Variants in RORA observed in about 807,000 individuals in gnomAD.
RORA encodes the protein RAR related orphan receptor A.
Under a neutral mutation model 69.5 loss-of-function variants are expected in RORA, and 7 were observed. That is an observed-to-expected ratio of 0.10 (90% CI 0.06 to 0.19). RORA has a LOEUF of 0.19. Among genes scored for constraint, RORA ranks in the 10% least tolerant of loss-of-function variants. The probability of loss-of-function intolerance (pLI) is 1.00; values close to 1 mark genes in which losing one functional copy is unlikely to be tolerated. For synonymous variants in RORA, 261 were observed against 240.8 expected (o/e 1.08, Z -0.78); for missense variants, 457 against 663.0 (o/e 0.69, Z 3.41).
chr15:60,742,220 T>C (rs1336645989), intron 1 of RORA, among the ~76,000 whole-genome samples: 1 of 152,234 alleles, frequency 6.6e-6, no homozygotes, highest in Non-Finnish European at 1.5e-5. Context: ...GTTATTCTTT[T>C]AAAAAGTGAA....
chr15:61,067,921 T>C (rs562418900), intron 1 of RORA, among the ~76,000 whole-genome samples: 2 of 152,326 alleles, frequency 1.3e-5, no homozygotes, highest in South Asian at 4.1e-4. Flanking sequence ...AGGTTGTTCT[T>C]GAGGAGTATT....
intron 1 of RORA, among the ~76,000 whole-genome samples, chr15:61,009,681 C>T (rs1026575059): frequency 6.6e-5 from 10 of 152,206 alleles, no homozygotes; most frequent in African/African-American, 2.4e-4. Context: ...ATCAAGATCA[C>T]TTAACACTTA....
intron 1 of RORA, among the ~76,000 whole-genome samples, chr15:61,186,632 C>T (rs1567028514): frequency 2.1e-5 from 2 of 93,280 alleles, no homozygotes; most frequent in Admixed American, 1.8e-4. Flanking sequence ...TGATGTGAGA[C>T]CCTGACTCAA....
rs33922947 is a variant in RORA, at chr15:60,743,016, A to ATTTTT, written c.167-64335_167-64331dup. ...CTATTTATGTAAATGCATTCATTCTATTTTTTTTTTTTTTTTTTTTTTTAG... is the reference window on the plus strand; with the variant it reads ...CTATTTATGTAAATGCATTCATTCTATTTTTTTTTTTTTTTTTTTTTTTTTTTTAG... On this transcript the variant is annotated intron_variant, in intron 1 of 10. Transcript: ENST00000335670. Among the ~76,000 whole-genome samples the ATTTTT allele has an allele frequency of 1.7e-3, 183 of 105,038 alleles. 1 individual carries two copies. The highest frequency in any genetic ancestry group is 4.9e-3 in the African/African-American group (137 of 27,976). 68.9% of individuals were successfully genotyped at this position (105,038 alleles called of 152,430 possible).
At chr15:60,563,412 C>T (rs2067633056) in intron 2 of RORA, among the ~76,000 whole-genome samples, 1 of 152,194 alleles carries the variant, frequency 6.6e-6, no homozygotes, top group Non-Finnish European at 1.5e-5. Context: ...GAAGGTATCT[C>T]ACTTCACTTC....
chr15:60,684,032 G>C (rs1036411692), intron 1 of RORA, among the ~76,000 whole-genome samples: 2 of 152,114 alleles, frequency 1.3e-5, no homozygotes, highest in Admixed American at 6.5e-5. Context: ...TTTCTTGACT[G>C]ACTTCTAATT....
intron 2 of RORA, among the ~76,000 whole-genome samples, chr15:60,655,973 T>G (rs1459521685): frequency 5.9e-5 from 9 of 152,364 alleles, no homozygotes; most frequent in Middle Eastern, 3.4e-3. Context: ...GTACAATAAC[T>G]TCTCACTTTG....
chr15:61,013,615 A>C (rs912268436), intron 1 of RORA, among the ~76,000 whole-genome samples: 1 of 152,036 alleles, frequency 6.6e-6, no homozygotes, highest in African/African-American at 2.4e-5. Flanking sequence ...CAATTTAAAA[A>C]ATTTCTCTTG....
intron 1 of RORA, among the ~76,000 whole-genome samples, chr15:61,004,304 C>T (rs749113430): frequency 1.3e-5 from 2 of 150,428 alleles, no homozygotes; most frequent in Non-Finnish European, 2.9e-5. Context: ...CAGACTAATA[C>T]GTACAATACA....
intron 1 of RORA, among the ~76,000 whole-genome samples, chr15:61,012,590 T>C (rs899464248): frequency 6.6e-6 from 1 of 152,188 alleles, no homozygotes; most frequent in South Asian, 2.1e-4. Context: ...AGCAGATAAA[T>C]GTTTTTTTGA....
intron 1 of RORA, among the ~76,000 whole-genome samples, chr15:61,166,932 C>A (rs2079543730): frequency 6.6e-6 from 1 of 152,198 alleles, no homozygotes; most frequent in African/African-American, 2.4e-5. Context: ...TACTCACCAA[C>A]AATTATCTGA....
At chr15:60,581,414 TAAAC>T (rs2068191147) in intron 2 of RORA, among the ~76,000 whole-genome samples, 1 of 152,238 alleles carries the variant, frequency 6.6e-6, no homozygotes, top group African/African-American at 2.4e-5. Context: ...ATTGTTTTGT[TAAAC>T]AATATCATTT....
At chr15:60,894,799 C>T (rs1277221467) in intron 1 of RORA, among the ~76,000 whole-genome samples, 1 of 152,172 alleles carries the variant, frequency 6.6e-6, no homozygotes, top group African/African-American at 2.4e-5. Context: ...ACTTTCAGGC[C>T]TCCCCTGGTG....
intron 1 of RORA, among the ~76,000 whole-genome samples, chr15:61,121,039 G>A (rs1242209647): frequency 1.3e-5 from 2 of 151,638 alleles, no homozygotes; most frequent in Non-Finnish European, 1.5e-5. Flanking sequence ...TGGTAGAGAC[G>A]GGGTTTCACC....
chr15:60,725,874 A>G (rs1172426326), intron 1 of RORA, among the ~76,000 whole-genome samples: 2 of 152,204 alleles, frequency 1.3e-5, no homozygotes, highest in Non-Finnish European at 2.9e-5. Context: ...GGGAGGCCAT[A>G]TAGAGCAGTC....
At chr15:61,082,280 G>A (rs2078554684) in intron 1 of RORA, among the ~76,000 whole-genome samples, 1 of 152,222 alleles carries the variant, frequency 6.6e-6, no homozygotes, top group African/African-American at 2.4e-5. Context: ...CCTGAGGTCA[G>A]GAGTTGGAGA....
At chr15:61,017,002 C>G (rs929436597) in intron 1 of RORA, among the ~76,000 whole-genome samples, 17 of 152,128 alleles carry the variant, frequency 1.1e-4, no homozygotes, top group Admixed American at 2.6e-4. Context: ...TAAAACATAT[C>G]ATAAAAGTCA....
chr15:60,885,078 T>C (rs1410985556), intron 1 of RORA, among the ~76,000 whole-genome samples: 1 of 152,250 alleles, frequency 6.6e-6, no homozygotes, highest in East Asian at 1.9e-4. Flanking sequence ...AAGATGGCTA[T>C]ATATTTTTAA....
At chr15:60,839,357 C>G (rs1454478454) in intron 1 of RORA, among the ~76,000 whole-genome samples, 2 of 152,174 alleles carry the variant, frequency 1.3e-5, no homozygotes, top group Admixed American at 1.3e-4. Flanking sequence ...ATGTACCTCA[C>G]TGAATAATCT....
Sources: allele counts gnomAD v4.1 joint callset (sites outside exome capture counted in the v4.1 genomes callset), GRCh38; gene constraint gnomAD v4.1.1; transcripts MANE v1.5; gene names NCBI Gene and HGNC (gene_info 2026-07-23, HGNC 2026-07-21).